The following HDAC9 variants were observed in gnomAD, a reference collection of about 807,000 sequenced individuals.
The protein encoded by HDAC9 is MEF-2 interacting transcription repressor (MITR) protein.
Under a neutral mutation model 139.4 loss-of-function variants are expected in HDAC9, and 41 were observed. That is an observed-to-expected ratio of 0.29 (90% CI 0.23 to 0.38). The LOEUF is 0.38. Ranked by LOEUF, HDAC9 falls within the 10% of genes least tolerant of loss-of-function variation. The pLI, the probability that HDAC9 is intolerant of heterozygous loss-of-function variation, is 1.00. For missense variants in HDAC9, 1,147 were observed against 1,297.0 expected (o/e 0.88, Z 1.78); for synonymous variants, 517 against 476.2 (o/e 1.09, Z -1.12).
At chr7:18,309,776 A>C (rs1799179644) in intron 1 of HDAC9, among the ~76,000 whole-genome samples, 1 of 152,216 alleles carries the variant, frequency 6.6e-6, no homozygotes, top group Non-Finnish European at 1.5e-5. Flanking sequence ...ACTAGATTTT[A>C]AAACTGACTT....
intron 1 of HDAC9, among the ~76,000 whole-genome samples, chr7:18,427,192 C>G (rs1295550079): frequency 2.0e-5 from 3 of 152,072 alleles, no homozygotes; most frequent in Non-Finnish European, 2.9e-5. Flanking sequence ...AAATTGAAAG[C>G]TCTGTTCTCT....
chr7:18,188,460 C>T (rs974769277), intron 2 of HDAC9, among the ~76,000 whole-genome samples: 9 of 152,116 alleles, frequency 5.9e-5, no homozygotes, highest in East Asian at 3.9e-4. Context: ...ATGACAAAAA[C>T]GCCAAAAGCA....
At chr7:18,351,753 C>CTCATTAT (rs1782864068) in intron 1 of HDAC9, among the ~76,000 whole-genome samples, 1 of 152,106 alleles carries the variant, frequency 6.6e-6, no homozygotes, top group African/African-American at 2.4e-5. Flanking sequence ...TTTGCAAAGC[C>CTCATTAT]CTACATAAAT....
At chr7:18,719,753 T>A (rs1384251143) in intron 12 of HDAC9, among the ~76,000 whole-genome samples, 1 of 152,188 alleles carries the variant, frequency 6.6e-6, no homozygotes, top group East Asian at 1.9e-4. Context: ...TTACATTTGG[T>A]TCCATGATCC....
chr7:18,087,621 G>T (rs1460742794), intron 1 of HDAC9, among the ~76,000 whole-genome samples: 1 of 152,196 alleles, frequency 6.6e-6, no homozygotes, highest in African/African-American at 2.4e-5. Flanking sequence ...TTTCGTGGAG[G>T]ACTTCAGTTT....
rs1786629593 is a variant in HDAC9 at position 18,999,209 on chromosome 7, C to T, written c.*3147C>T. ...ATTGCCTTCAGTTTTTACTCCAGCC[C>T]TATACGACACTCTCACTAACCTTTC... On this transcript the variant is annotated 3_prime_UTR_variant, in exon 26 of 26. Transcript: ENST00000686413. 1 of 152,214 alleles carries T rather than the reference C, an allele frequency of 6.6e-6. No homozygotes were observed. The highest frequency in any genetic ancestry group is 2.4e-5 in the African/African-American group (1 of 41,446). The allele number at this position is 152,214 out of a possible 1,614,324, so 9.4% of individuals were successfully genotyped here.
At chr7:18,177,061 C>T (rs979587148) in intron 2 of HDAC9, among the ~76,000 whole-genome samples, 5 of 152,150 alleles carry the variant, frequency 3.3e-5, no homozygotes, top group African/African-American at 1.2e-4. Flanking sequence ...TGTCATTTTC[C>T]CTTCTGTTGG....
intron 19 of HDAC9, among the ~76,000 whole-genome samples, chr7:18,833,405 G>T (rs1796001451): frequency 6.6e-6 from 1 of 152,128 alleles, no homozygotes; most frequent in Non-Finnish European, 1.5e-5. Flanking sequence ...TCAAATTGTG[G>T]ATGCATTTAT....
At chr7:18,326,582 T>C (rs985280730) in intron 1 of HDAC9, among the ~76,000 whole-genome samples, 1 of 152,026 alleles carries the variant, frequency 6.6e-6, no homozygotes, top group Non-Finnish European at 1.5e-5. Flanking sequence ...ATGAAGGATC[T>C]GATTAGGAAA....
At chr7:18,222,121 T>C (rs1279676775) in intron 2 of HDAC9, among the ~76,000 whole-genome samples, 1 of 151,780 alleles carries the variant, frequency 6.6e-6, no homozygotes, top group Non-Finnish European at 1.5e-5. Flanking sequence ...GTTTAGATAG[T>C]ATGGGGAACT....
chr7:18,827,367 T>C (rs969852220), intron 17 of HDAC9, among the ~76,000 whole-genome samples: 3 of 152,152 alleles, frequency 2.0e-5, no homozygotes, highest in African/African-American at 7.2e-5. Flanking sequence ...ATTTTTTAAC[T>C]AGATGACTAA....
chr7:18,231,114 A>T (rs1224736939), intron 2 of HDAC9, among the ~76,000 whole-genome samples: 1 of 152,214 alleles, frequency 6.6e-6, no homozygotes, highest in Non-Finnish European at 1.5e-5. Context: ...ATACAGGCTC[A>T]CTTCAGAAAA....
chr7:18,589,336 G>C (rs1350733374), intron 3 of HDAC9, among the ~76,000 whole-genome samples: 1 of 152,036 alleles, frequency 6.6e-6, no homozygotes, highest in South Asian at 2.1e-4. Context: ...GACTAGCCTG[G>C]GGAACATGGC....
chr7:18,320,955 G>C (rs1299879799), intron 1 of HDAC9, among the ~76,000 whole-genome samples: 1 of 152,192 alleles, frequency 6.6e-6, no homozygotes, highest in African/African-American at 2.4e-5. Context: ...AGAGAGAAGA[G>C]AGAGATAATT....
At chr7:18,269,219 G>A (rs73303494) in intron 2 of HDAC9, among the ~76,000 whole-genome samples, 4,501 of 152,100 alleles carry the variant, frequency 0.03, 240 homozygotes, top group African/African-American at 0.1. Flanking sequence ...AATATGTAAC[G>A]TGGAATATAT....
intron 7 of HDAC9, among the ~76,000 whole-genome samples, chr7:18,633,186 G>A (rs995072862): frequency 2.6e-5 from 4 of 152,116 alleles, no homozygotes; most frequent in African/African-American, 9.7e-5. Context: ...GAATTGGTAG[G>A]AGGAAGAAAA....
At chr7:18,750,699 C>T (rs1373513704) in intron 14 of HDAC9, among the ~76,000 whole-genome samples, 1 of 152,116 alleles carries the variant, frequency 6.6e-6, no homozygotes, top group African/African-American at 2.4e-5. Flanking sequence ...GGAGGCCAAA[C>T]CATTCTCTTT....
rs117505125 is a variant in HDAC9 at position 18,956,380 on chromosome 7, T to A, written c.3022+2150T>A. On this transcript the variant is annotated intron_variant, in intron 24 of 25. Transcript: ENST00000686413. ...ATATTTAAATGTCTGTTAGCTCTGG[T>A]TGCTAAATTAGAGGATAATCATCAG... 6.4e-3 allele frequency among the ~76,000 whole-genome samples: 971 copies of A among 152,264 alleles called. 9 individuals are homozygous for A. Among genetic ancestry groups the A allele is most frequent in the Non-Finnish European group, 9.0e-3 (615 of 68,006 alleles).
At chr7:18,857,815 T>G (rs574465671) in intron 21 of HDAC9, among the ~76,000 whole-genome samples, 2 of 152,060 alleles carry the variant, frequency 1.3e-5, no homozygotes, top group Admixed American at 1.3e-4. Flanking sequence ...CTTGACAAAG[T>G]TGGGTTCAGC....
Sources: gnomAD v4.1 joint callset for allele counts (sites outside exome capture counted in the v4.1 genomes callset) on GRCh38, gnomAD v4.1.1 for gene constraint, MANE v1.5 for transcripts, NCBI Gene and HGNC (gene_info 2026-07-23, HGNC 2026-07-21) for gene names.